SMIM36: variants seen among roughly 807,000 people sequenced by gnomAD.
SMIM36 encodes small integral membrane protein 36.
intron 4 of SMIM36, among the ~76,000 whole-genome samples, chr17:55,463,380 C>T (rs370812854): frequency 6.6e-6 from 1 of 151,908 alleles, no homozygotes; most frequent in East Asian, 1.9e-4. Flanking sequence ...ATAGTGAGAA[C>T]CCATCCCTAA....
intron 1 of SMIM36, among the ~76,000 whole-genome samples, chr17:55,491,549 C>T (rs955327696): frequency 1.3e-5 from 2 of 152,086 alleles, no homozygotes. Context: ...AAATCTATAC[C>T]TTTCAGTCTT....
At chr17:55,469,756 G>A (rs559863590) in intron 3 of SMIM36, among the ~76,000 whole-genome samples, 2 of 152,282 alleles carry the variant, frequency 1.3e-5, no homozygotes, top group South Asian at 2.1e-4. Flanking sequence ...GAGGTAGGCG[G>A]ATCATGAGGT....
the SMIM36 span, among the ~76,000 whole-genome samples, chr17:55,520,244 C>T: frequency 6.6e-6 from 1 of 152,098 alleles, no homozygotes; most frequent in African/African-American, 2.4e-5. Flanking sequence ...GCATTTTGAG[C>T]CCACCCAGAA....
In SMIM36 at chr17:55,505,550, C is replaced by T. The variant is rs367576623; in HGVS notation, c.*174+5329G>A. Among the ~76,000 whole-genome samples the T allele has an allele frequency of 1.4e-4, 10 of 69,258 alleles. 4 individuals carry two copies. The highest frequency in any genetic ancestry group is 3.5e-4 in the African/African-American group (2 of 5,712). 45.4% of individuals were successfully genotyped at this position (69,258 alleles called of 152,430 possible). ...AACCTTCATGCTAAAAACTCTCAAT[C>T]AATTAGGTATTGATGGGACGTATCT... On this transcript the variant is annotated intron_variant, in intron 1 of 4. Coordinates refer to ENST00000636752, the Ensembl canonical transcript of SMIM36.
chr17:55,498,541 A>G (rs1206830781), intron 1 of SMIM36, among the ~76,000 whole-genome samples: 2 of 151,686 alleles, frequency 1.3e-5, no homozygotes, highest in African/African-American at 4.9e-5. Flanking sequence ...CAGATACTTT[A>G]TGTGTGTGAT....
intron 4 of SMIM36, among the ~76,000 whole-genome samples, chr17:55,463,698 G>C (rs1297750301): frequency 6.6e-6 from 1 of 152,158 alleles, no homozygotes; most frequent in Non-Finnish European, 1.5e-5. Flanking sequence ...GTAAGTCCGT[G>C]GGTTGGTATG....
At chr17:55,500,797 T>A (rs1174696308) in intron 1 of SMIM36, among the ~76,000 whole-genome samples, 4 of 18,330 alleles carry the variant, frequency 2.2e-4, no homozygotes, top group Admixed American at 1.6e-3. Context: ...ATTATATATT[T>A]TATAATATAT....
At chr17:55,514,603 AC>A (rs1910236052), upstream of SMIM36, among the ~76,000 whole-genome samples, 1 of 152,298 alleles carries the variant, frequency 6.6e-6, no homozygotes, top group Non-Finnish European at 1.5e-5. Context: ...TATGAATAAA[AC>A]AGGTACATGC....
chr17:55,497,295 G>A (rs1567869639), intron 1 of SMIM36, among the ~76,000 whole-genome samples: 1 of 151,752 alleles, frequency 6.6e-6, no homozygotes, highest in Non-Finnish European at 1.5e-5. Context: ...ACAGAGTCTC[G>A]CTCTTGTTGC....
At chr17:55,476,784 C>T (rs865848466) in intron 3 of SMIM36, among the ~76,000 whole-genome samples, 2 of 152,164 alleles carry the variant, frequency 1.3e-5, no homozygotes, top group African/African-American at 4.8e-5. Flanking sequence ...CCAGGCTGGT[C>T]TTGAACTCCT....
At chr17:55,480,092 C>A (rs930432962) in intron 1 of SMIM36, among the ~76,000 whole-genome samples, 3 of 151,980 alleles carry the variant, frequency 2.0e-5, no homozygotes, top group Admixed American at 2.0e-4. Flanking sequence ...CAGTTCAGCA[C>A]CAGGAGCAGA....
At chr17:55,525,413 C>T in the SMIM36 span, among the ~76,000 whole-genome samples, 2 of 152,124 alleles carry the variant, frequency 1.3e-5, no homozygotes, top group African/African-American at 2.4e-5. Context: ...AATCCTACCT[C>T]CCCCATAACA....
intron 4 of SMIM36, among the ~76,000 whole-genome samples, chr17:55,452,994 C>T (rs1567861133): frequency 6.6e-6 from 1 of 152,182 alleles, no homozygotes; most frequent in Non-Finnish European, 1.5e-5. Flanking sequence ...TGAAGTACAC[C>T]ACCTGGGCAG....
At chr17:55,518,068 A>G in the SMIM36 span, among the ~76,000 whole-genome samples, 2 of 152,226 alleles carry the variant, frequency 1.3e-5, no homozygotes, top group Non-Finnish European at 1.5e-5. Context: ...CTGCTATAAC[A>G]GAATACTTGA....
At chr17:55,526,246 C>T in the SMIM36 span, among the ~76,000 whole-genome samples, 5 of 152,102 alleles carry the variant, frequency 3.3e-5, no homozygotes, top group African/African-American at 1.2e-4. Context: ...CGGCTTCAGG[C>T]GATCCTCTCA....
the SMIM36 span, among the ~76,000 whole-genome samples, chr17:55,519,135 G>T: frequency 6.6e-6 from 1 of 152,176 alleles, no homozygotes; most frequent in Non-Finnish European, 1.5e-5. Context: ...TCCTAGAGAA[G>T]TAGGGTAGGA....
rs1486664388 is a variant in SMIM36 at position 55,451,421 on chromosome 17, C to T, written c.*532-1123G>A. On this transcript the variant is annotated intron_variant, in intron 4 of 4. Transcript: ENST00000636752. ...CTCTTGTCTGCCTGGAATACTTTCC[C>T]CATGGCTCTTCCTGTGGCTGACTTA... 2.0e-5 allele frequency among the ~76,000 whole-genome samples: 3 copies of T among 152,282 alleles called. No homozygotes were observed. The East Asian group carries it at 5.8e-4, about 29-fold the overall frequency.
At chr17:55,486,322 C>G (rs1909608015) in intron 1 of SMIM36, among the ~76,000 whole-genome samples, 2 of 152,166 alleles carry the variant, frequency 1.3e-5, no homozygotes, top group Admixed American at 6.5e-5. Flanking sequence ...CAGGCGTGAG[C>G]TATGGCTCCC....
At chr17:55,529,637 C>CAT in the SMIM36 span, among the ~76,000 whole-genome samples, 2 of 151,868 alleles carry the variant, frequency 1.3e-5, no homozygotes, top group East Asian at 1.9e-4. Flanking sequence ...CACACACACA[C>CAT]ACAGAGTATC....
Sources: allele counts gnomAD v4.1 joint callset (sites outside exome capture counted in the v4.1 genomes callset), GRCh38; gene constraint gnomAD v4.1.1; transcripts MANE v1.5; gene names NCBI Gene and HGNC (gene_info 2026-07-23, HGNC 2026-07-21).